CDC42BPA: variants seen among roughly 807,000 people sequenced by gnomAD.
CDC42BPA encodes the protein serine/threonine-protein kinase MRCK alpha.
A neutral mutation model predicts 223.5 loss-of-function variants in CDC42BPA; 80 were observed. The ratio of observed to expected loss-of-function variants is 0.36; its 90% CI spans 0.30 to 0.43. CDC42BPA has a LOEUF of 0.43. Ranked by LOEUF, CDC42BPA falls within the 20% of genes least tolerant of loss-of-function variation. The probability of loss-of-function intolerance (pLI) is 1.00; values close to 1 mark genes in which losing one functional copy is unlikely to be tolerated. For synonymous variants in CDC42BPA, 694 were observed against 718.6 expected (o/e 0.97, Z 0.55); for missense variants, 1,743 against 2,099.9 (o/e 0.83, Z 3.32).
At chr1:227,267,816 GC>G (rs926127595) in intron 1 of CDC42BPA, among the ~76,000 whole-genome samples, 1 of 152,060 alleles carries the variant, frequency 6.6e-6, no homozygotes, top group African/African-American at 2.4e-5. Context: ...GGGGAAATTG[GC>G]CCCATGATCC....
chr1:227,019,757 T>C (rs1359627243), intron 32 of CDC42BPA, among the ~76,000 whole-genome samples: 1 of 152,194 alleles, frequency 6.6e-6, no homozygotes, highest in Non-Finnish European at 1.5e-5. Context: ...AGCAGTAATA[T>C]TTTGAAAGAA....
chr1:227,216,946 A>G (rs1674964640), intron 2 of CDC42BPA, among the ~76,000 whole-genome samples: 1 of 152,224 alleles, frequency 6.6e-6, no homozygotes, highest in Admixed American at 6.5e-5. Flanking sequence ...TAAGTGACAA[A>G]TGTATACAAA....
intron 26 of CDC42BPA, among the ~76,000 whole-genome samples, chr1:227,033,618 C>G (rs1669719830): frequency 6.6e-6 from 1 of 152,164 alleles, no homozygotes; most frequent in Non-Finnish European, 1.5e-5. Flanking sequence ...GCACATTATA[C>G]AAGAGCTAGA....
At position 227,058,578 on chromosome 1, in the gene CDC42BPA, G is replaced by A. The variant is rs573479438; in HGVS notation, c.2905-6593C>T. 5.9e-5 allele frequency among the ~76,000 whole-genome samples: 9 copies of A among 152,124 alleles called. No individual in the cohort carries two copies. The South Asian group carries it at 6.3e-4, about 11-fold the overall frequency. The stretch of plus-strand genomic sequence containing the variant: ...CAGCTACCCTGTCGCTTTTCAAATA[G>A]GGAGTATGTATGTGTGTTTATGACT... On this transcript the variant is annotated intron_variant, in intron 21 of 36. Coordinates refer to ENST00000366766, the MANE Select transcript of CDC42BPA (RefSeq NM_001394014.1).
chr1:227,080,830 T>A, intron 17 of CDC42BPA, 63 bp downstream of exon 17: 1 of 1,583,864 alleles, frequency 6.3e-7, no homozygotes, highest in East Asian at 2.2e-5. Flanking sequence ...CCACCTGGAA[T>A]TCATACCAAC....
intron 22 of CDC42BPA, among the ~76,000 whole-genome samples, chr1:227,051,180 A>T (rs529657377): frequency 5.9e-5 from 9 of 152,186 alleles, no homozygotes; most frequent in Non-Finnish European, 1.0e-4. Context: ...TGCTAGACAC[A>T]GCTCTGGAGA....
Position 227,047,952 on chromosome 1 carries a change from G to A in CDC42BPA, c.3068C>T (p.Pro1023Leu). 1 of 1,610,492 alleles carries A rather than the reference G, an allele frequency of 6.2e-7. No individual in the cohort carries two copies. The highest frequency in any genetic ancestry group is 1.1e-5 in the South Asian group (1 of 90,912). The change falls in exon 23 of 37, where the codon CCT (proline) becomes CTT (leucine). Residue 1023 changes from proline to leucine, a missense_variant. By Grantham distance (98) the Pro-to-Leu change is moderately conservative. Transcript: ENST00000366766. ...CTTAGGTGGAAAGCCAGTTGAACCAGGACATCCTTTTTTCCTTAAGGTTGG... is the reference window on the plus strand; with the variant it reads ...CTTAGGTGGAAAGCCAGTTGAACCAAGACATCCTTTTTTCCTTAAGGTTGG... ...HTPTLRKKGC[P>L]GSTGFPPKRK... is the part of the protein sequence containing the mutation.
chr1:227,166,771 G>A (rs548672822), intron 5 of CDC42BPA, among the ~76,000 whole-genome samples: 7 of 152,234 alleles, frequency 4.6e-5, no homozygotes, highest in African/African-American at 1.7e-4. Flanking sequence ...GCGGGAGTGG[G>A]GGTGCCTCAA....
At chr1:227,113,543 T>G (rs1291107245) in intron 12 of CDC42BPA, among the ~76,000 whole-genome samples, 1 of 151,518 alleles carries the variant, frequency 6.6e-6, no homozygotes, top group Admixed American at 6.6e-5. Flanking sequence ...ACAAAAACAA[T>G]AAAAATAAAC....
chr1:227,125,584 G>A (rs1250846990), intron 11 of CDC42BPA, among the ~76,000 whole-genome samples: 1 of 141,968 alleles, frequency 7.0e-6, no homozygotes, highest in African/African-American at 2.6e-5. Context: ...GGAACAGAGT[G>A]AGACTCTGTC....
intron 34 of CDC42BPA, among the ~76,000 whole-genome samples, chr1:227,011,531 T>C (rs1572231670): frequency 1.3e-5 from 2 of 152,176 alleles, no homozygotes; most frequent in South Asian, 2.1e-4. Context: ...TCCCTGATAA[T>C]GTGTTTGTTT....
intron 1 of CDC42BPA, among the ~76,000 whole-genome samples, chr1:227,308,952 A>G (rs747522395): frequency 2.0e-5 from 3 of 152,228 alleles, no homozygotes; most frequent in Non-Finnish European, 4.4e-5. Flanking sequence ...ATAATTCACA[A>G]TCTTTTCAAA....
At chr1:227,044,753 A>C (rs1158841642) in intron 23 of CDC42BPA, among the ~76,000 whole-genome samples, 1 of 152,182 alleles carries the variant, frequency 6.6e-6, no homozygotes, top group Non-Finnish European at 1.5e-5. Context: ...GTTTTAGCTT[A>C]AAATTTATAT....
intron 30 of CDC42BPA, 132 bp from the exon 31 acceptor site, chr1:227,026,284 C>G: frequency 1.8e-6 from 1 of 546,358 alleles, no homozygotes; most frequent in East Asian, 3.2e-5. Context: ...CATATAGTAG[C>G]CAAATCAAAA....
At chr1:227,063,673 T>A (rs575148274) in intron 21 of CDC42BPA, among the ~76,000 whole-genome samples, 7 of 152,218 alleles carry the variant, frequency 4.6e-5, no homozygotes, top group Admixed American at 2.0e-4. Context: ...AAAACAAGAA[T>A]TGAATGAGCA....
At chr1:227,041,674 AGAATGGG>A (rs1671406057) in intron 23 of CDC42BPA, among the ~76,000 whole-genome samples, 1 of 152,214 alleles carries the variant, frequency 6.6e-6, no homozygotes, top group African/African-American at 2.4e-5. Context: ...CATTAGTCAG[AGAATGGG>A]GTGAGAGTCT....
chr1:227,135,793 G>A (rs1326986737), intron 10 of CDC42BPA, among the ~76,000 whole-genome samples: 1 of 144,368 alleles, frequency 6.9e-6, no homozygotes, highest in Non-Finnish European at 1.5e-5. Context: ...GGCGGAGGTT[G>A]CAGTGAACCG....
chr1:227,051,979 G>C lies in CDC42BPA; in HGVS notation c.2911C>G (p.Pro971Ala). The C allele has an allele frequency of 1.5e-6, 2 of 1,365,090 alleles. No homozygotes were observed. Among genetic ancestry groups the C allele is most frequent in the Non-Finnish European group, 2.0e-6 (2 of 1,020,610 alleles). 84.6% of individuals were successfully genotyped at this position (1,365,090 alleles called of 1,614,324 possible). A position where few individuals can be genotyped will look rare whatever the true frequency, so the allele number is the denominator to read the frequency against. The change falls in exon 22 of 37, where the codon CCC (proline) becomes GCC (alanine). Residue 971 changes from proline (P) to alanine (A), a missense_variant. This residue lies in a region of CDC42BPA where 678 missense variants were observed against 777.5 expected (regional missense o/e 0.87). Coordinates refer to ENST00000366766, the MANE Select transcript of CDC42BPA (RefSeq NM_001394014.1). ...TTCCATACATATGTGTTCTCAACGG[G>C]ATCAGTCTAGGAAAATAAGTCGGGA... Reference protein sequence around the residue: ...TDALDQFETDPVENTYVWNPS... With the variant: ...TDALDQFETDAVENTYVWNPS...
intron 24 of CDC42BPA, among the ~76,000 whole-genome samples, chr1:227,037,025 G>C (rs778928516): frequency 6.6e-6 from 1 of 152,170 alleles, no homozygotes; most frequent in Non-Finnish European, 1.5e-5. Flanking sequence ...CTCTAGAAGG[G>C]AAGAGAGTCT....
Sources: allele counts gnomAD v4.1 joint callset (sites outside exome capture counted in the v4.1 genomes callset), GRCh38; gene constraint gnomAD v4.1.1; regional missense constraint gnomAD v4.1.1; transcripts MANE v1.5; gene names NCBI Gene and HGNC (gene_info 2026-07-23, HGNC 2026-07-21).